Variants in TAFA4 observed in about 807,000 individuals in gnomAD.
TAFA4 encodes TAFA chemokine like family member 4, also known as chemokine-like protein TAFA-4.
In TAFA4, 20 loss-of-function variants were observed where a neutral mutation model predicts 21.1. The ratio of observed to expected loss-of-function variants is 0.95; its 90% CI spans 0.67 to 1.38. TAFA4 has a LOEUF of 1.38. Among genes scored for constraint, TAFA4 ranks in the 40% most tolerant of loss-of-function variants. The pLI is 0.00. For synonymous variants in TAFA4, 71 were observed against 67.4 expected (o/e 1.05, Z -0.26); for missense variants, 211 against 180.9 (o/e 1.17, Z -0.95).
intron 3 of TAFA4, among the ~76,000 whole-genome samples, chr3:68,818,165 G>T (rs1025106782): frequency 6.6e-6 from 1 of 152,130 alleles, no homozygotes; most frequent in Non-Finnish European, 1.5e-5. Context: ...ACTTCATCCT[G>T]CAGTTTTCAT....
intron 3 of TAFA4, among the ~76,000 whole-genome samples, chr3:68,773,352 C>A (rs893938143): frequency 6.6e-6 from 1 of 152,128 alleles, no homozygotes; most frequent in Non-Finnish European, 1.5e-5. Context: ...GTGTCCATAC[C>A]CTCTCCCCTT....
rs141651246 is a variant in TAFA4 at position 68,743,337 on chromosome 3, A to T, written c.287-4138T>A. On this transcript the variant is annotated intron_variant, in intron 4 of 5. Coordinates refer to ENST00000295569, the MANE Select transcript of TAFA4 (RefSeq NM_182522.5). ...ACACCTGTAATCCCAGCACTTTGGA[A>T]GGCCTAGGTGGGCAGATCACTTGAG... Among the ~76,000 whole-genome samples, 472 of 152,226 alleles carry T rather than the reference A, an allele frequency of 3.1e-3. 4 individuals are homozygous for T. The highest frequency in any genetic ancestry group is 0.011 in the African/African-American group (454 of 41,556).
At chr3:68,745,599 TGTC>T (rs1702443495) in intron 4 of TAFA4, among the ~76,000 whole-genome samples, 2 of 152,214 alleles carry the variant, frequency 1.3e-5, no homozygotes, top group African/African-American at 4.8e-5. Context: ...ATAATGCTGT[TGTC>T]GAGGTGAAAA....
intron 3 of TAFA4, among the ~76,000 whole-genome samples, chr3:68,825,968 C>T (rs1304172720): frequency 6.6e-6 from 1 of 152,070 alleles, no homozygotes; most frequent in East Asian, 1.9e-4. Flanking sequence ...TGAGGTTTTT[C>T]ATAATAAAAG....
intron 3 of TAFA4, among the ~76,000 whole-genome samples, chr3:68,849,924 A>G (rs1246648366): frequency 6.6e-6 from 1 of 152,064 alleles, no homozygotes; most frequent in Non-Finnish European, 1.5e-5. Flanking sequence ...TTGCAGTTTT[A>G]TTGAGGTATA....
Position 68,882,740 on chromosome 3 carries a change from A to G in TAFA4, c.15-1895T>C, listed in dbSNP as rs76422719. On this transcript the variant is annotated intron_variant, in intron 2 of 5. Coordinates refer to ENST00000295569, the MANE Select transcript of TAFA4 (RefSeq NM_182522.5). ...CTTCCCCCAAATTATGTGATTGATA[A>G]TAGCATCTAGAACTCAGGTAAGATC... Among the ~76,000 whole-genome samples the G allele has an allele frequency of 5.0e-3, 765 of 152,340 alleles. 6 individuals carry two copies. The highest frequency in any genetic ancestry group is 0.048 in the East Asian group (247 of 5,186).
chr3:68,840,360 C>T (rs1162072199), intron 3 of TAFA4, among the ~76,000 whole-genome samples: 1 of 152,008 alleles, frequency 6.6e-6, no homozygotes, highest in Non-Finnish European at 1.5e-5. Context: ...AGGCATGTGC[C>T]ACCATGCCCA....
At chr3:68,797,971 A>AT (rs1703488554) in intron 3 of TAFA4, among the ~76,000 whole-genome samples, 1 of 152,216 alleles carries the variant, frequency 6.6e-6, no homozygotes, top group Non-Finnish European at 1.5e-5. Flanking sequence ...TTTCACTACA[A>AT]TTTTTTAAAT....
At chr3:68,754,279 A>C (rs542887167) in intron 3 of TAFA4, among the ~76,000 whole-genome samples, 1 of 152,160 alleles carries the variant, frequency 6.6e-6, no homozygotes. Flanking sequence ...TTTTATAGCT[A>C]TTTTCCCCCT....
intron 3 of TAFA4, among the ~76,000 whole-genome samples, chr3:68,857,456 T>C (rs1338066795): frequency 6.6e-6 from 1 of 152,126 alleles, no homozygotes; most frequent in Non-Finnish European, 1.5e-5. Flanking sequence ...TGAGGACCAA[T>C]GGATGGCAAC....
chr3:68,745,281 G>A (rs1575592562), intron 4 of TAFA4, among the ~76,000 whole-genome samples: 1 of 152,162 alleles, frequency 6.6e-6, no homozygotes, highest in African/African-American at 2.4e-5. Flanking sequence ...TAAAGTTACT[G>A]GTGAGAACAT....
rs575774839 is a variant in TAFA4 at position 68,821,326 on chromosome 3, C to CTT, written c.130+59402_130+59403dup. Among the ~76,000 whole-genome samples, 11 of 73,740 alleles carry CTT rather than the reference C, an allele frequency of 1.5e-4. 2 individuals are homozygous for CTT. The highest frequency in any genetic ancestry group is 2.5e-4 in the Non-Finnish European group (10 of 39,764). The allele number at this position is 73,740 out of a possible 152,430, so 48.4% of individuals were successfully genotyped here. On this transcript the variant is annotated intron_variant, in intron 3 of 5. Transcript: ENST00000295569. The stretch of plus-strand genomic sequence containing the variant: ...ATACACTATGTAGACAACCTCCCTG[C>CTT]TTTTTTTTTTTTTTTTTTTTTTTTT...
At chr3:68,778,403 G>A (rs948252135) in intron 3 of TAFA4, among the ~76,000 whole-genome samples, 1 of 152,096 alleles carries the variant, frequency 6.6e-6, no homozygotes, top group African/African-American at 2.4e-5. Flanking sequence ...AATAAACAGA[G>A]CAAAAACTCA....
intron 3 of TAFA4, among the ~76,000 whole-genome samples, chr3:68,857,957 C>G (rs1705108910): frequency 2.0e-5 from 3 of 152,072 alleles, no homozygotes; most frequent in Non-Finnish European, 4.4e-5. Context: ...CCATCTCATC[C>G]CATCATTCAG....
At chr3:68,830,139 C>A (rs1043575852) in intron 3 of TAFA4, among the ~76,000 whole-genome samples, 8 of 152,116 alleles carry the variant, frequency 5.3e-5, no homozygotes, top group Non-Finnish European at 1.2e-4. Flanking sequence ...AAAAAACCAG[C>A]TCCTGGATTC....
At chr3:68,802,069 G>A (rs199928331) in intron 3 of TAFA4, among the ~76,000 whole-genome samples, 3 of 152,082 alleles carry the variant, frequency 2.0e-5, no homozygotes, top group East Asian at 3.9e-4. Flanking sequence ...TGTTCACAAA[G>A]TTTTTCAAAA....
intron 1 of TAFA4, among the ~76,000 whole-genome samples, chr3:68,890,530 C>A (rs763079931): frequency 6.6e-6 from 1 of 152,152 alleles, no homozygotes; most frequent in African/African-American, 2.4e-5. Context: ...ACTGACATAG[C>A]GCCTGCTAGG....
At chr3:68,921,783 C>T (rs542102618) in intron 1 of TAFA4, among the ~76,000 whole-genome samples, 3 of 152,272 alleles carry the variant, frequency 2.0e-5, no homozygotes, top group Non-Finnish European at 4.4e-5. Flanking sequence ...AAATTGAAGC[C>T]TTGTTTTTTC....
intron 3 of TAFA4, among the ~76,000 whole-genome samples, chr3:68,818,928 G>A (rs138499010): frequency 0.012 from 1,766 of 152,318 alleles, 31 homozygotes; most frequent in Middle Eastern, 0.02. Context: ...AAATGGCACT[G>A]ATAGACTTGC....
Sources: allele counts gnomAD v4.1 joint callset (sites outside exome capture counted in the v4.1 genomes callset), GRCh38; gene constraint gnomAD v4.1.1; transcripts MANE v1.5; gene names NCBI Gene and HGNC (gene_info 2026-07-23, HGNC 2026-07-21).